SOX6: variants seen among roughly 807,000 people sequenced by gnomAD.
SOX6 encodes the protein transcription factor SOX-6.
A neutral mutation model predicts 97.8 loss-of-function variants in SOX6; 11 were observed. The observed-to-expected ratio is 0.11, with a 90% confidence interval of 0.07 to 0.19. The LOEUF (loss-of-function observed/expected upper bound fraction) is 0.19, where lower values mean the gene tolerates loss of function less well. Ranked by LOEUF, SOX6 falls within the 10% of genes least tolerant of loss-of-function variation. The pLI is 1.00. For missense variants in SOX6, 810 were observed against 1,039.5 expected (o/e 0.78, Z 3.04); for synonymous variants, 360 against 371.4 (o/e 0.97, Z 0.35).
intron 15 of SOX6, among the ~76,000 whole-genome samples, chr11:15,975,523 T>A (rs1853450548): frequency 6.6e-6 from 1 of 152,200 alleles, no homozygotes; most frequent in African/African-American, 2.4e-5. Flanking sequence ...TGGTCACTTT[T>A]TGCAGTATTT....
chr11:16,383,717 AC>A (rs1857894652), intron 1 of SOX6, among the ~76,000 whole-genome samples: 1 of 152,024 alleles, frequency 6.6e-6, no homozygotes, highest in African/African-American at 2.4e-5. Context: ...AAAAGCACCT[AC>A]ATTAGTGCTG....
At position 16,137,786 on chromosome 11, in the gene SOX6, G is replaced by A. The variant is rs1295662223; in HGVS notation, c.778-25863C>T. The stretch of plus-strand genomic sequence containing the variant: ...GACCAGGTGGAGATAATTGAATGCT[G>A]GGGGCAGTTCCCCCCATCCTGTTCT... On this transcript the variant is annotated intron_variant, in intron 6 of 15. Transcript: ENST00000683767. Among the ~76,000 whole-genome samples, 11 of 152,136 alleles carry A rather than the reference G, an allele frequency of 7.2e-5. No individual in the cohort carries two copies. The South Asian group carries it at 2.1e-3, about 29-fold the overall frequency.
chr11:16,283,960 G>A, intron 3 of SOX6: 1 of 389,238 alleles, frequency 2.6e-6, no homozygotes, highest in South Asian at 1.9e-5. Context: ...GTATAATTAT[G>A]CACAGTTTCT....
intron 4 of SOX6, among the ~76,000 whole-genome samples, chr11:16,526,924 C>T (rs557220375): frequency 1.6e-3 from 250 of 152,100 alleles, no homozygotes; most frequent in African/African-American, 5.7e-3. Context: ...ATACTCTTAC[C>T]CACACCTACA....
chr11:16,361,764 T>G (rs1263242146), intron 1 of SOX6, among the ~76,000 whole-genome samples: 1 of 152,166 alleles, frequency 6.6e-6, no homozygotes, highest in African/African-American at 2.4e-5. Context: ...ACTGGAAAAC[T>G]GAATACCAAT....
intron 6 of SOX6, among the ~76,000 whole-genome samples, chr11:16,119,830 G>A (rs1849444625): frequency 6.6e-6 from 1 of 152,066 alleles, no homozygotes; most frequent in Non-Finnish European, 1.5e-5. Context: ...GTCTTATTTA[G>A]CAAATCTGTG....
chr11:16,199,982 T>C (rs1422531005), intron 4 of SOX6, among the ~76,000 whole-genome samples: 1 of 152,184 alleles, frequency 6.6e-6, no homozygotes, highest in African/African-American at 2.4e-5. Context: ...TCCAGTAAAA[T>C]TAAATTATAT....
intron 2 of SOX6, among the ~76,000 whole-genome samples, chr11:16,721,429 G>A (rs1262058712): frequency 3.3e-5 from 5 of 151,476 alleles, no homozygotes; most frequent in African/African-American, 1.2e-4. Context: ...TGCTGGAAAA[G>A]ATCCCTTCAC....
intron 3 of SOX6, among the ~76,000 whole-genome samples, chr11:16,648,328 C>A (rs1046058666): frequency 6.6e-6 from 1 of 152,116 alleles, no homozygotes; most frequent in Non-Finnish European, 1.5e-5. Context: ...CCAACCCTCA[C>A]AGTGGCCATG....
chr11:16,126,385 C>A (rs941178157), intron 6 of SOX6, among the ~76,000 whole-genome samples: 2 of 152,100 alleles, frequency 1.3e-5, no homozygotes, highest in African/African-American at 4.8e-5. Context: ...TGCACTACAA[C>A]TGTAGTTTCC....
chr11:16,137,370 G>A (rs1462031203), intron 6 of SOX6, among the ~76,000 whole-genome samples: 1 of 152,096 alleles, frequency 6.6e-6, no homozygotes, highest in Non-Finnish European at 1.5e-5. Flanking sequence ...AGGTTGCAGT[G>A]AGCTGAGATC....
chr11:16,343,159 T>C (rs1467375180), intron 1 of SOX6, among the ~76,000 whole-genome samples: 1 of 151,856 alleles, frequency 6.6e-6, no homozygotes, highest in African/African-American at 2.4e-5. Flanking sequence ...TAACTACTAT[T>C]AGTAAAACCA....
intron 2 of SOX6, among the ~76,000 whole-genome samples, chr11:16,328,711 A>C (rs12289660): frequency 5.4e-4 from 82 of 152,282 alleles, no homozygotes; most frequent in African/African-American, 1.8e-3. Context: ...TGTGCTATAT[A>C]AGACACCTTC....
At chr11:16,326,400 C>T (rs777834752) in intron 2 of SOX6, among the ~76,000 whole-genome samples, 3 of 152,014 alleles carry the variant, frequency 2.0e-5, no homozygotes, top group Non-Finnish European at 4.4e-5. Context: ...AAACAACACT[C>T]AGCAGGATTG....
At chr11:16,411,760 G>T (rs1590193421) in intron 1 of SOX6, among the ~76,000 whole-genome samples, 1 of 152,208 alleles carries the variant, frequency 6.6e-6, no homozygotes, top group African/African-American at 2.4e-5. Context: ...TATATTTGGA[G>T]AATAAATTTT....
intron 4 of SOX6, among the ~76,000 whole-genome samples, chr11:16,501,029 T>C (rs1323089248): frequency 6.6e-6 from 1 of 152,154 alleles, no homozygotes; most frequent in African/African-American, 2.4e-5. Context: ...AGAACAAAGA[T>C]GGAAGCACCA....
chr11:16,097,784 A>G (rs1032774601), intron 7 of SOX6, 96 bp from the exon 8 acceptor site: 7 of 1,137,794 alleles, frequency 6.2e-6, no homozygotes, highest in Non-Finnish European at 9.3e-6. Flanking sequence ...GAGCTTTACA[A>G]CATTGCTCTA....
intron 1 of SOX6, among the ~76,000 whole-genome samples, chr11:16,344,919 C>T (rs576364972): frequency 2.0e-5 from 3 of 151,846 alleles, no homozygotes; most frequent in South Asian, 4.2e-4. Flanking sequence ...CAAATGTTGC[C>T]GCTATAATAC....
chr11:16,661,385 A>G (rs1054855931), intron 3 of SOX6, among the ~76,000 whole-genome samples: 3 of 152,118 alleles, frequency 2.0e-5, no homozygotes, highest in Non-Finnish European at 4.4e-5. Context: ...TCATTTTTCT[A>G]CCCACTCTGT....
Sources: allele counts gnomAD v4.1 joint callset (sites outside exome capture counted in the v4.1 genomes callset), GRCh38; gene constraint gnomAD v4.1.1; transcripts MANE v1.5; gene names NCBI Gene and HGNC (gene_info 2026-07-23, HGNC 2026-07-21).